ADGRV1: variants seen among roughly 807,000 people sequenced by gnomAD.
ADGRV1 encodes the protein adhesion G protein-coupled receptor V1.
In ADGRV1, 359 loss-of-function variants were observed where a neutral mutation model predicts 596.2. The observed-to-expected ratio is 0.60, with a 90% CI of 0.55 to 0.66. ADGRV1 has a LOEUF of 0.66. ADGRV1 is among the 30% of genes least tolerant of loss of function. The pLI is 0.00. For missense variants in ADGRV1, 7,274 were observed against 7,575.6 expected (o/e 0.96, Z 1.48); for synonymous variants, 2,681 against 2,679.2 (o/e 1.00, Z -0.02).
At chr5:90,945,934 T>C (rs1161690040) in intron 83 of ADGRV1, among the ~76,000 whole-genome samples, 3 of 151,928 alleles carry the variant, frequency 2.0e-5, no homozygotes, top group Non-Finnish European at 4.4e-5. Flanking sequence ...GACAAGATCT[T>C]GCCACTGTAC....
At chr5:90,678,426 G>A (rs1209317460) in intron 25 of ADGRV1, among the ~76,000 whole-genome samples, 1 of 151,352 alleles carries the variant, frequency 6.6e-6, no homozygotes, top group Non-Finnish European at 1.5e-5. Flanking sequence ...TATTGCCAAA[G>A]TACTTTATAT....
chr5:90,635,207 C>G lies in ADGRV1; in HGVS notation c.1933C>G (p.Pro645Ala), dbSNP rs777329583. Residue 645 changes from proline (P) to alanine (A), a missense_variant, in exon 10 of 90, where the codon CCA becomes GCA. Physicochemically the swap from Pro to Ala is conservative, Grantham distance 27. Coordinates refer to ENST00000405460, the MANE Select transcript of ADGRV1 (RefSeq NM_032119.4). ...EICNISLLVT[P>A]AIANGEIGFL... ...CTGCAATATTTCTTTACTGGTTACT[C>G]CAGCCATTGCAAATGGAGAAATTGG... 6.2e-7 allele frequency: 1 copy of G among 1,613,292 alleles called. No individual in the cohort carries two copies. The highest frequency in any genetic ancestry group is 8.5e-7 in the Non-Finnish European group (1 of 1,179,382).
chr5:90,741,270 G>C (rs1753930785), intron 50 of ADGRV1, among the ~76,000 whole-genome samples: 1 of 152,216 alleles, frequency 6.6e-6, no homozygotes, highest in Admixed American at 6.5e-5. Context: ...TCCTCTGCCT[G>C]TCTCTGTTCT....
At chr5:91,129,777 C>G (rs1019073501) in intron 87 of ADGRV1, among the ~76,000 whole-genome samples, 1 of 152,148 alleles carries the variant, frequency 6.6e-6, no homozygotes. Context: ...ATGATCCAGT[C>G]TACGGCACAC....
chr5:90,606,458 G>A (rs1762118642), intron 1 of ADGRV1, among the ~76,000 whole-genome samples: 1 of 152,170 alleles, frequency 6.6e-6, no homozygotes, highest in Non-Finnish European at 1.5e-5. Context: ...AGGTGTTTTT[G>A]TTCTAAGGAG....
intron 86 of ADGRV1, among the ~76,000 whole-genome samples, chr5:91,082,058 G>A (rs978610409): frequency 1.3e-5 from 2 of 152,180 alleles, no homozygotes; most frequent in African/African-American, 4.8e-5. Flanking sequence ...GTTAGTGGAA[G>A]ATATGCTAAT....
intron 59 of ADGRV1, among the ~76,000 whole-genome samples, chr5:90,763,889 G>T (rs1471018408): frequency 6.6e-6 from 1 of 152,140 alleles, no homozygotes; most frequent in African/African-American, 2.4e-5. Context: ...AGTATTCCAT[G>T]GTGTATATCT....
intron 73 of ADGRV1, 62 bp downstream of exon 73, chr5:90,807,799 CA>C: frequency 7.1e-7 from 1 of 1,409,890 alleles, no homozygotes; most frequent in South Asian, 1.6e-5. Flanking sequence ...ATTCATCCAT[CA>C]AAACAGAAAA....
At chr5:91,111,482 A>G (rs79973531) in intron 87 of ADGRV1, among the ~76,000 whole-genome samples, 9,198 of 152,240 alleles carry the variant, frequency 0.06, 389 homozygotes, top group East Asian at 0.15. Context: ...CCCACTTAGT[A>G]TCCAGAAGGG....
chr5:90,947,212 T>C (rs1006028743), intron 83 of ADGRV1, among the ~76,000 whole-genome samples: 2 of 152,208 alleles, frequency 1.3e-5, no homozygotes, highest in African/African-American at 4.8e-5. Flanking sequence ...CATTGTGATT[T>C]TGATTTGCAT....
At chr5:90,958,582 T>C (rs943859506) in intron 83 of ADGRV1, among the ~76,000 whole-genome samples, 1 of 152,172 alleles carries the variant, frequency 6.6e-6, no homozygotes, top group Admixed American at 6.5e-5. Flanking sequence ...GAGTCTGAGT[T>C]GAAGGTGTCT....
chr5:90,788,028 TGA>T, intron 67 of ADGRV1, 41 bp from the exon 68 acceptor site: 2 of 1,432,990 alleles, frequency 1.4e-6, no homozygotes, highest in Admixed American at 2.5e-5. Context: ...TGCTTAAAAT[TGA>T]TCTCTATTAA....
chr5:90,604,169 T>C (rs1430729135), intron 1 of ADGRV1, among the ~76,000 whole-genome samples: 1 of 152,004 alleles, frequency 6.6e-6, no homozygotes, highest in African/African-American at 2.4e-5. Flanking sequence ...TTTTTTAAAA[T>C]GTGAAATCTA....
At chr5:91,083,941 A>G (rs557948954) in intron 86 of ADGRV1, among the ~76,000 whole-genome samples, 1 of 152,272 alleles carries the variant, frequency 6.6e-6, no homozygotes, top group African/African-American at 2.4e-5. Context: ...AGAAATAAAT[A>G]TTGTTTTACA....
intron 13 of ADGRV1, 104 bp downstream of exon 13, chr5:90,643,145 G>T: frequency 9.4e-7 from 1 of 1,064,230 alleles, no homozygotes; most frequent in Non-Finnish European, 1.3e-6. Context: ...CAGGAAAGAG[G>T]TGGGCAAGAA....
intron 85 of ADGRV1, among the ~76,000 whole-genome samples, chr5:90,998,400 AAGTAAATAAAAAGTT>A (rs751929863): frequency 5.3e-5 from 8 of 152,102 alleles, no homozygotes; most frequent in Non-Finnish European, 8.8e-5. Flanking sequence ...ATTTACTGAA[AAGTAAATAAAAAGTT>A]TGCTTTTTAT....
chr5:90,766,073 C>T (rs1581052992), intron 59 of ADGRV1, among the ~76,000 whole-genome samples: 1 of 151,980 alleles, frequency 6.6e-6, no homozygotes, highest in East Asian at 1.9e-4. Context: ...CCACACCTGG[C>T]TAATTTTTTG....
chr5:91,082,334 ATTTTTTTTC>A (rs1562193843), intron 86 of ADGRV1, among the ~76,000 whole-genome samples: 1 of 151,630 alleles, frequency 6.6e-6, no homozygotes, highest in Non-Finnish European at 1.5e-5. Context: ...GGCAGATCCT[ATTTTTTTTC>A]TGAGACAGAG....
chr5:90,685,597 T>TATAAATAAATAA (rs138476984), intron 28 of ADGRV1, among the ~76,000 whole-genome samples, 183 bp from the exon 29 acceptor site: 26 of 142,248 alleles, frequency 1.8e-4, no homozygotes, highest in African/African-American at 4.7e-4. Context: ...AGTCCATCTC[T>TATAAATAAATAA]ATAAATAAAT....
Sources: gnomAD v4.1 joint callset for allele counts (sites outside exome capture counted in the v4.1 genomes callset) on GRCh38, gnomAD v4.1.1 for gene constraint, MANE v1.5 for transcripts, NCBI Gene and HGNC (gene_info 2026-07-23, HGNC 2026-07-21) for gene names.